ATXN1: variants seen among roughly 807,000 people sequenced by gnomAD.
The protein encoded by ATXN1 is ataxin 1.
A neutral mutation model predicts 56.4 loss-of-function variants in ATXN1; 8 were observed. That is an observed-to-expected ratio of 0.14 (90% CI 0.08 to 0.26). The LOEUF (loss-of-function observed/expected upper bound fraction) is 0.26, where lower values mean the gene tolerates loss of function less well. Ranked by LOEUF, ATXN1 falls within the 10% of genes least tolerant of loss-of-function variation. The probability of loss-of-function intolerance (pLI) is 1.00; values close to 1 mark genes in which losing one functional copy is unlikely to be tolerated. For missense variants in ATXN1, 987 were observed against 1,106.5 expected (o/e 0.89, Z 1.53); for synonymous variants, 514 against 494.6 (o/e 1.04, Z -0.52).
At chr6:16,452,402 G>C (rs1233004796) in intron 6 of ATXN1, among the ~76,000 whole-genome samples, 1 of 152,204 alleles carries the variant, frequency 6.6e-6, no homozygotes, top group Non-Finnish European at 1.5e-5. Context: ...GATAGCATAA[G>C]ATTAAATTCA....
intron 6 of ATXN1, among the ~76,000 whole-genome samples, chr6:16,445,544 TTAAG>T (rs1271384657): frequency 6.6e-6 from 1 of 152,010 alleles, no homozygotes; most frequent in Non-Finnish European, 1.5e-5. Context: ...TTATTATACT[TTAAG>T]TTTTAGGGTA....
At chr6:16,316,908 A>G (rs1561847612) in intron 7 of ATXN1, among the ~76,000 whole-genome samples, 1 of 128,322 alleles carries the variant, frequency 7.8e-6, no homozygotes, top group African/African-American at 3.4e-5. Flanking sequence ...GCCAGAACTA[A>G]AGTGGGCTGT....
intron 1 of ATXN1, among the ~76,000 whole-genome samples, chr6:16,756,750 T>G (rs765741825): frequency 1.2e-4 from 18 of 152,246 alleles, no homozygotes; most frequent in Non-Finnish European, 2.4e-4. Context: ...CTAATCTATG[T>G]GTTATTTTCA....
intron 5 of ATXN1, among the ~76,000 whole-genome samples, chr6:16,491,551 C>A (rs1387599545): frequency 6.6e-6 from 1 of 151,984 alleles, no homozygotes; most frequent in Non-Finnish European, 1.5e-5. Context: ...CCTGCCTCAG[C>A]CTCCCAAAGT....
chr6:16,691,834 T>C (rs1759053069), intron 2 of ATXN1, among the ~76,000 whole-genome samples: 1 of 152,178 alleles, frequency 6.6e-6, no homozygotes, highest in African/African-American at 2.4e-5. Context: ...GTGATAGTAT[T>C]AGGGAGTGGA....
chr6:16,612,659 C>A (rs115031085), intron 3 of ATXN1, among the ~76,000 whole-genome samples: 4 of 151,882 alleles, frequency 2.6e-5, no homozygotes, highest in Admixed American at 1.3e-4. Context: ...TTTGGGAGGT[C>A]GGGCAGGCAG....
At chr6:16,669,251 T>C (rs1214543358) in intron 2 of ATXN1, among the ~76,000 whole-genome samples, 1 of 152,246 alleles carries the variant, frequency 6.6e-6, no homozygotes, top group Non-Finnish European at 1.5e-5. Context: ...TCCTAATGAC[T>C]GTGATAGACT....
chr6:16,459,301 A>C (rs1759943932), intron 6 of ATXN1, among the ~76,000 whole-genome samples: 1 of 152,214 alleles, frequency 6.6e-6, no homozygotes, highest in South Asian at 2.1e-4. Flanking sequence ...ATGCCCACCC[A>C]GTCCAAATCA....
chr6:16,347,658 CTT>C (rs1428329932), intron 6 of ATXN1, among the ~76,000 whole-genome samples: 6 of 152,020 alleles, frequency 3.9e-5, no homozygotes, highest in African/African-American at 1.5e-4. Flanking sequence ...TGTCGACACT[CTT>C]TATTTAGCTA....
At chr6:16,496,971 C>G (rs1760792809) in intron 5 of ATXN1, among the ~76,000 whole-genome samples, 1 of 152,058 alleles carries the variant, frequency 6.6e-6, no homozygotes, top group Non-Finnish European at 1.5e-5. Flanking sequence ...CTTACAACTC[C>G]TAATATATCA....
At chr6:16,598,326 C>T (rs1762852417) in intron 3 of ATXN1, among the ~76,000 whole-genome samples, 3 of 152,240 alleles carry the variant, frequency 2.0e-5, no homozygotes, top group Admixed American at 6.5e-5. Context: ...AGAGTTATTT[C>T]CTTTTGTTTA....
chr6:16,349,636 T>C (rs2113457775), intron 6 of ATXN1, among the ~76,000 whole-genome samples: 1 of 152,376 alleles, frequency 6.6e-6, no homozygotes, highest in South Asian at 2.1e-4. Flanking sequence ...AAAGTTTCCC[T>C]GCCTCACTTC....
In ATXN1 at chr6:16,302,212, C is replaced by G. The variant is rs1309181770; in HGVS notation, c.*4117G>C. On this transcript the variant is annotated 3_prime_UTR_variant, in exon 8 of 8. Coordinates refer to ENST00000436367, the MANE Select transcript of ATXN1 (RefSeq NM_001128164.2). Reference sequence around the variant, plus strand: ...TCTGGACACGTCAGTGTACCACACACACACCTGCCCCGTCCCTGAGAAAGA... The same window carrying G: ...TCTGGACACGTCAGTGTACCACACAGACACCTGCCCCGTCCCTGAGAAAGA... The G allele has an allele frequency of 6.6e-6, 1 of 152,514 alleles. No individual in the cohort carries two copies. The highest frequency in any genetic ancestry group is 1.9e-4 in the East Asian group (1 of 5,206). The allele number at this position is 152,514 out of a possible 1,614,324, so 9.4% of individuals were successfully genotyped here.
intron 2 of ATXN1, among the ~76,000 whole-genome samples, chr6:16,692,007 T>G (rs1325970692): frequency 6.6e-6 from 1 of 152,252 alleles, no homozygotes; most frequent in African/African-American, 2.4e-5. Flanking sequence ...CTCAAGCCTG[T>G]AATCCCAGCA....
intron 2 of ATXN1, among the ~76,000 whole-genome samples, chr6:16,720,319 C>A (rs1490933124): frequency 6.6e-6 from 1 of 152,182 alleles, no homozygotes; most frequent in African/African-American, 2.4e-5. Context: ...GGGGGGTCTG[C>A]AAATAGAGTC....
chr6:16,530,249 T>C (rs1263536226), intron 4 of ATXN1, among the ~76,000 whole-genome samples: 1 of 152,182 alleles, frequency 6.6e-6, no homozygotes, highest in African/African-American at 2.4e-5. Flanking sequence ...ATTTTGAGAA[T>C]GGTTTTCAAG....
chr6:16,315,026 A>C (rs1318968022), intron 7 of ATXN1, among the ~76,000 whole-genome samples: 2 of 152,220 alleles, frequency 1.3e-5, no homozygotes, highest in African/African-American at 4.8e-5. Flanking sequence ...AAGAGTATCT[A>C]TTGGTTAAGA....
intron 6 of ATXN1, among the ~76,000 whole-genome samples, chr6:16,453,746 T>C (rs1015135815): frequency 2.8e-4 from 43 of 152,168 alleles, no homozygotes; most frequent in Non-Finnish European, 1.8e-4. Context: ...TGTCTACACA[T>C]AAATTTATAT....
chr6:16,758,307 C>A (rs1457670719), intron 1 of ATXN1, among the ~76,000 whole-genome samples: 1 of 152,226 alleles, frequency 6.6e-6, no homozygotes, highest in Non-Finnish European at 1.5e-5. Context: ...TGACTGACTG[C>A]AAGGCCAAAG....
Sources: gnomAD v4.1 joint callset for allele counts (sites outside exome capture counted in the v4.1 genomes callset) on GRCh38, gnomAD v4.1.1 for gene constraint, MANE v1.5 for transcripts, NCBI Gene and HGNC (gene_info 2026-07-23, HGNC 2026-07-21) for gene names.